DNAJC3: variants seen among roughly 807,000 people sequenced by gnomAD.
DNAJC3 encodes the protein DnaJ heat shock protein family (Hsp40) member C3.
A neutral mutation model predicts 68.6 loss-of-function variants in DNAJC3; 38 were observed. That is an observed-to-expected ratio of 0.55 (90% CI 0.43 to 0.73). DNAJC3 has a LOEUF of 0.73. Ranked by LOEUF, DNAJC3 falls within the 30% of genes least tolerant of loss-of-function variation. The pLI is 0.00. For synonymous variants in DNAJC3, 203 were observed against 204.0 expected (o/e 1.00, Z 0.04); for missense variants, 526 against 591.9 (o/e 0.89, Z 1.16).
At chr13:95,680,182 G>A (rs1455201033) in intron 1 of DNAJC3, among the ~76,000 whole-genome samples, 1 of 152,116 alleles carries the variant, frequency 6.6e-6, no homozygotes, top group Admixed American at 6.5e-5. Context: ...TGTCCTCTTG[G>A]TGACTTGAGT....
Position 95,791,663 on chromosome 13 carries a change from A to T in DNAJC3, c.*633A>T, listed in dbSNP as rs999237150. 4 of 152,244 alleles carry T rather than the reference A, an allele frequency of 2.6e-5. No individual in the cohort carries two copies. Among genetic ancestry groups the T allele is most frequent in the Admixed American group, 2.6e-4 (4 of 15,274 alleles). 9.4% of individuals were successfully genotyped at this position (152,244 alleles called of 1,614,324 possible). A position where few individuals can be genotyped will look rare whatever the true frequency, so the allele number is the denominator to read the frequency against. On this transcript the variant is annotated 3_prime_UTR_variant, in exon 12 of 12. Transcript: ENST00000602402. Reference sequence around the variant, plus strand: ...TATATCCAGGCTTAGACTTTGGATTAATGTTAAATGTACATTTTTTTGGTT... The same window carrying T: ...TATATCCAGGCTTAGACTTTGGATTTATGTTAAATGTACATTTTTTTGGTT...
At chr13:95,783,160 A>C (rs1244250774) in intron 9 of DNAJC3, among the ~76,000 whole-genome samples, 1 of 152,142 alleles carries the variant, frequency 6.6e-6, no homozygotes, top group Non-Finnish European at 1.5e-5. Context: ...AGTCTGAGAA[A>C]GTATAACTTA....
intron 4 of DNAJC3, among the ~76,000 whole-genome samples, chr13:95,725,943 C>A (rs1423408988): frequency 6.7e-6 from 1 of 150,086 alleles, no homozygotes. Context: ...TTTGTCCTTG[C>A]GATAGTTTGC....
chr13:95,732,039 C>T (rs181592181), intron 4 of DNAJC3, among the ~76,000 whole-genome samples: 24 of 151,954 alleles, frequency 1.6e-4, no homozygotes, highest in South Asian at 4.2e-4. Context: ...TGCACCCAGC[C>T]GGTGTCTTAC....
At chr13:95,738,500 G>C (rs1454981108) in intron 4 of DNAJC3, among the ~76,000 whole-genome samples, 1 of 152,064 alleles carries the variant, frequency 6.6e-6, no homozygotes, top group Non-Finnish European at 1.5e-5. Context: ...TATGAATCTA[G>C]TTGCTCCTGT....
At chr13:95,718,738 C>G (rs1024302581) in intron 2 of DNAJC3, among the ~76,000 whole-genome samples, 8 of 152,160 alleles carry the variant, frequency 5.3e-5, no homozygotes, top group African/African-American at 1.9e-4. Flanking sequence ...AAACTATTGT[C>G]ATTTGATTCT....
intron 9 of DNAJC3, among the ~76,000 whole-genome samples, chr13:95,779,416 G>A (rs547128291): frequency 4.6e-5 from 7 of 152,154 alleles, no homozygotes; most frequent in Admixed American, 1.3e-4. Context: ...GAGCCATCGC[G>A]CCCGGCCTAA....
chr13:95,713,371 G>T (rs543412524), intron 2 of DNAJC3, among the ~76,000 whole-genome samples: 4 of 147,108 alleles, frequency 2.7e-5, no homozygotes, highest in African/African-American at 1.1e-4. Context: ...TGTAGCAACA[G>T]AGTCTCTCTA....
chr13:95,782,857 A>G (rs1309222515), intron 9 of DNAJC3, among the ~76,000 whole-genome samples: 3 of 152,120 alleles, frequency 2.0e-5, no homozygotes, highest in African/African-American at 7.2e-5. Flanking sequence ...GTTTGTTGCC[A>G]TTGCTTTTGA....
intron 5 of DNAJC3, 66 bp downstream of exon 5, chr13:95,757,862 G>A (rs1882710884): frequency 5.7e-6 from 8 of 1,413,988 alleles, no homozygotes; most frequent in Admixed American, 4.2e-5. Flanking sequence ...TATATACTTC[G>A]ACATGTCACA....
intron 1 of DNAJC3, among the ~76,000 whole-genome samples, chr13:95,696,240 G>A (rs549476315): frequency 3.9e-5 from 6 of 152,258 alleles, no homozygotes; most frequent in African/African-American, 1.4e-4. Context: ...CGCCAACATG[G>A]ATATCCCCTA....
intron 4 of DNAJC3, among the ~76,000 whole-genome samples, chr13:95,752,494 A>G (rs1050356757): frequency 6.6e-6 from 1 of 152,170 alleles, no homozygotes; most frequent in African/African-American, 2.4e-5. Context: ...TATATTGAAG[A>G]TACTATGGCC....
intron 1 of DNAJC3, chr13:95,694,605 A>G (rs1188135531): frequency 2.0e-5 from 3 of 152,642 alleles, no homozygotes; most frequent in Non-Finnish European, 4.4e-5. Flanking sequence ...ACTAATTAAA[A>G]TTATAAATTA....
At chr13:95,772,267 A>G (rs1201961312) in intron 9 of DNAJC3, among the ~76,000 whole-genome samples, 2 of 152,208 alleles carry the variant, frequency 1.3e-5, no homozygotes, top group African/African-American at 4.8e-5. Flanking sequence ...CATTTCATGC[A>G]TATATCACAC....
At chr13:95,688,940 G>T (rs1481613561) in intron 1 of DNAJC3, among the ~76,000 whole-genome samples, 4 of 149,734 alleles carry the variant, frequency 2.7e-5, no homozygotes, top group African/African-American at 1.0e-4. Flanking sequence ...GTGTGTGTGT[G>T]TGTGTGTGTG....
At chr13:95,750,110 A>G (rs1405660491) in intron 4 of DNAJC3, among the ~76,000 whole-genome samples, 1 of 152,136 alleles carries the variant, frequency 6.6e-6, no homozygotes, top group Non-Finnish European at 1.5e-5. Context: ...CTTGACATTT[A>G]GATGTCTCCA....
chr13:95,737,575 T>C (rs1881968031), intron 4 of DNAJC3, among the ~76,000 whole-genome samples: 1 of 152,082 alleles, frequency 6.6e-6, no homozygotes, highest in Non-Finnish European at 1.5e-5. Context: ...CAGGAATTTA[T>C]CCATTTCTTC....
chr13:95,785,891 TA>T, intron 9 of DNAJC3, 47 bp from the exon 10 acceptor site: 1 of 1,501,280 alleles, frequency 6.7e-7, no homozygotes, highest in South Asian at 1.3e-5. Context: ...GAAAAGGCAA[TA>T]AATTATAATT....
Position 95,758,164 on chromosome 13 carries a change from G to A in DNAJC3, c.546+368G>A, listed in dbSNP as rs931163282. The stretch of plus-strand genomic sequence containing the variant: ...GTTCGGGAGGAAAGAGGAATGTTTA[G>A]AGAAAAATTTCTAGAGAATAAGGCA... On this transcript the variant is annotated intron_variant, in intron 5 of 11. Transcript: ENST00000602402. 4.6e-5 allele frequency among the ~76,000 whole-genome samples: 7 copies of A among 152,254 alleles called. No individual in the cohort carries two copies. The East Asian group carries it at 1.3e-3, about 29-fold the overall frequency.
Sources: gnomAD v4.1 joint callset for allele counts (sites outside exome capture counted in the v4.1 genomes callset) on GRCh38, gnomAD v4.1.1 for gene constraint, MANE v1.5 for transcripts, NCBI Gene and HGNC (gene_info 2026-07-23, HGNC 2026-07-21) for gene names.